The following CTHRC1 variants were observed in gnomAD, a reference collection of about 807,000 sequenced individuals.
CTHRC1 encodes collagen triple helix repeat-containing protein 1.
A neutral mutation model predicts 25.9 loss-of-function variants in CTHRC1; 21 were observed. That is an observed-to-expected ratio of 0.81 (90% CI 0.57 to 1.17). CTHRC1 has a LOEUF of 1.17. Ranked by LOEUF, CTHRC1 falls within the 50% of genes most tolerant of loss-of-function variation. The pLI is 0.00. For missense variants in CTHRC1, 281 were observed against 304.3 expected, an observed-to-expected ratio of 0.92 and a Z score of 0.57; for synonymous variants, 109 against 113.1, an observed-to-expected ratio of 0.96 and a Z score of 0.23.
intron 3 of CTHRC1, among the ~76,000 whole-genome samples, chr8:103,382,131 CCTTT>C (rs1398918243): frequency 6.6e-6 from 1 of 152,034 alleles, no homozygotes; most frequent in Non-Finnish European, 1.5e-5. Context: ...GTATATATAG[CCTTT>C]CTTTGTTTAT....
At chr8:103,372,493 T>C in intron 1 of CTHRC1, 1 of 1,596,788 alleles carries the variant, frequency 6.3e-7, no homozygotes, top group Non-Finnish European at 8.5e-7. Context: ...TAAGGACCTG[T>C]TTTGCTTCTG....
chr8:103,380,157 T>C (rs1586098902), intron 3 of CTHRC1, among the ~76,000 whole-genome samples: 2 of 152,242 alleles, frequency 1.3e-5, no homozygotes, highest in Non-Finnish European at 2.9e-5. Flanking sequence ...GGAAGTGATA[T>C]GTTCAGACAG....
At chr8:103,382,401 T>G (rs1815928999) in intron 3 of CTHRC1, 57 bp from the exon 4 acceptor site, 1 of 1,572,870 alleles carries the variant, frequency 6.4e-7, no homozygotes, top group Non-Finnish European at 8.7e-7. Flanking sequence ...AAAATTTAAC[T>G]AAAGGATTTT....
chr8:103,375,639 C>A, intron 1 of CTHRC1, 99 bp from the exon 2 acceptor site: 1 of 1,001,566 alleles, frequency 1.0e-6, no homozygotes, highest in Non-Finnish European at 1.6e-6. Context: ...TGAAGGGATT[C>A]TTGACTCCAA....
Position 103,378,078 on chromosome 8 carries a change from A to G in CTHRC1, c.424A>G (p.Ser142Gly). 1.2e-6 allele frequency: 2 copies of G among 1,614,208 alleles called. No individual in the cohort carries two copies. The highest frequency in any genetic ancestry group is 1.7e-6 in the Non-Finnish European group (2 of 1,180,022). Residue 142 changes from serine to glycine, a missense_variant, in exon 3 of 4, where the codon AGT becomes GGT. By Grantham distance (56) the Ser-to-Gly change is moderately conservative. Transcript: ENST00000330295. Reference sequence around the variant, plus strand: ...AAATAGTGCTCTAAGAGTTTTGTTCAGTGGCTCACTTCGGCTAAAATGCAG... The same window carrying G: ...AAATAGTGCTCTAAGAGTTTTGTTCGGTGGCTCACTTCGGCTAAAATGCAG... ...RSNSALRVLF[S>G]GSLRLKCRNA...
chr8:103,373,693 A>G lies in CTHRC1; in HGVS notation c.150+1887A>G, dbSNP rs78179740. Among the ~76,000 whole-genome samples the G allele has an allele frequency of 9.3e-3, 1,377 of 147,384 alleles. 23 individuals carry two copies. Among genetic ancestry groups the G allele is most frequent in the African/African-American group, 0.032 (1,267 of 39,566 alleles). ...GCGTGTTTAGCAGCATCGTTTGTAC[A>G]TACTAGATGCCAGTAGCAATCCCCT... On this transcript the variant is annotated intron_variant, in intron 1 of 3. Transcript: ENST00000330295.
intron 1 of CTHRC1, among the ~76,000 whole-genome samples, chr8:103,374,648 G>C (rs1815772624): frequency 6.6e-6 from 1 of 152,196 alleles, no homozygotes; most frequent in African/African-American, 2.4e-5. Flanking sequence ...CAGGGCAGTG[G>C]ACACACTTAC....
chr8:103,377,937 G>C, intron 2 of CTHRC1, 90 bp from the exon 3 acceptor site: 1 of 1,096,618 alleles, frequency 9.1e-7, no homozygotes, highest in East Asian at 2.4e-5. Flanking sequence ...TTGGGGAAAA[G>C]GATAGTTAAG....
Position 103,373,920 on chromosome 8 carries a change from A to G in CTHRC1, c.151-1818A>G, listed in dbSNP as rs533398077. On this transcript the variant is annotated intron_variant, in intron 1 of 3. Transcript: ENST00000330295. ...ATTCCCATTTGAAATGTATGTCTAAACATTGTATATATCTGCTTGTGAGAG... is the reference window on the plus strand; with the variant it reads ...ATTCCCATTTGAAATGTATGTCTAAGCATTGTATATATCTGCTTGTGAGAG... Among the ~76,000 whole-genome samples the G allele has an allele frequency of 2.6e-5, 4 of 152,190 alleles. No individual in the cohort carries two copies. In the South Asian group the frequency reaches 8.3e-4, roughly 32 times the overall value.
Position 103,371,546 on chromosome 8 carries a change from C to T in CTHRC1, c.-111C>T. The stretch of plus-strand genomic sequence containing the variant: ...GAGAGAGGCGCGCGGGTGAAAGGCG[C>T]ATTGATGCAGCCTGCGGCGGCCTCG... On this transcript the variant is annotated 5_prime_UTR_variant, in exon 1 of 4. Transcript: ENST00000330295. 2 of 1,181,532 alleles carry T rather than the reference C, an allele frequency of 1.7e-6. No homozygotes were observed. Among genetic ancestry groups the T allele is most frequent in the Non-Finnish European group, 2.3e-6 (2 of 852,094 alleles). The allele number at this position is 1,181,532 out of a possible 1,614,324, so 73.2% of individuals were successfully genotyped here.
chr8:103,377,559 T>G (rs1391413062), intron 2 of CTHRC1, among the ~76,000 whole-genome samples: 9 of 152,240 alleles, frequency 5.9e-5, no homozygotes, highest in Non-Finnish European at 1.5e-5. Flanking sequence ...CTTACCTAGC[T>G]TGCAGAAAAT....
chr8:103,375,206 G>A (rs753907559), intron 1 of CTHRC1, among the ~76,000 whole-genome samples: 4 of 152,022 alleles, frequency 2.6e-5, no homozygotes, highest in Non-Finnish European at 5.9e-5. Flanking sequence ...TGACTCTTAA[G>A]ATTTTATTTT....
At chr8:103,378,376 C>A in intron 3 of CTHRC1, 133 bp downstream of exon 3, 2 of 735,732 alleles carry the variant, frequency 2.7e-6, no homozygotes, top group Non-Finnish European at 4.8e-6. Context: ...GATTCTCCAC[C>A]CTGGGTTGTA....
At chr8:103,377,971 T>C in intron 2 of CTHRC1, 56 bp from the exon 3 acceptor site, 1 of 1,392,472 alleles carries the variant, frequency 7.2e-7, no homozygotes, top group Admixed American at 1.7e-5. Context: ...TCTCAAAAGC[T>C]CTTTTTAATT....
chr8:103,375,780 C>A lies in CTHRC1; in HGVS notation c.193C>A (p.Arg65=). Residue 65 remains arginine, a synonymous_variant, in exon 2 of 4, where the codon CGA becomes AGA. Transcript: ENST00000330295. The stretch of plus-strand genomic sequence containing the variant: ...ACAAGGGCCAGCAGGAGTGCCTGGT[C>A]GAGACGGGAGCCCTGGGGCCAATGG... ...CLQGPAGVPG[R]DGSPGANGIP... The A allele has an allele frequency of 6.2e-7, 1 of 1,613,924 alleles. No homozygotes were observed. Among genetic ancestry groups the A allele is most frequent in the Non-Finnish European group, 8.5e-7 (1 of 1,179,994 alleles).
In CTHRC1 at chr8:103,371,820, A is replaced by G; in HGVS notation, c.150+14A>G. 3 of 1,492,918 alleles carry G rather than the reference A, an allele frequency of 2.0e-6. No individual in the cohort carries two copies. The highest frequency in any genetic ancestry group is 1.3e-5 in the South Asian group (1 of 75,780). The allele number at this position is 1,492,918 out of a possible 1,614,324, so 92.5% of individuals were successfully genotyped here. ...GTGGTGGACCTGGTGAGTCCGAGGG[A>G]GCCGAGCCGGGACCGCCGCGCTGGT... On this transcript the variant is annotated intron_variant, in intron 1 of 3. Transcript: ENST00000330295.
At chr8:103,371,856 TGGCCGCGCG>T in intron 1 of CTHRC1, 50 bp downstream of exon 1, 1 of 1,453,762 alleles carries the variant, frequency 6.9e-7, no homozygotes, top group Non-Finnish European at 9.1e-7. Context: ...GGAGGGGACC[TGGCCGCGCG>T]CCCCACGGGC....
At chr8:103,371,868 C>T in intron 1 of CTHRC1, 62 bp downstream of exon 1, 1 of 1,430,188 alleles carries the variant, frequency 7.0e-7, no homozygotes, top group Non-Finnish European at 9.2e-7. Context: ...GCCGCGCGCC[C>T]CACGGGCAGG....
chr8:103,371,668 G>C lies in CTHRC1; in HGVS notation c.12G>C (p.Gln4His), dbSNP rs533547163. 5 of 1,533,458 alleles carry C rather than the reference G, an allele frequency of 3.3e-6. No individual in the cohort carries two copies. The highest frequency in any genetic ancestry group is 3.5e-6 in the Non-Finnish European group (4 of 1,141,254). The allele number at this position is 1,533,458 out of a possible 1,614,324, so 95.0% of individuals were successfully genotyped here. The change falls in exon 1 of 4, where the codon CAG becomes CAC. Residue 4 changes from glutamine to histidine, a missense_variant. Gln to His is a conservative substitution (Grantham distance 24, BLOSUM62 0). Coordinates refer to ENST00000330295, the MANE Select transcript of CTHRC1 (RefSeq NM_138455.4). ...GGCAGCCGGGAGCCATGCGACCCCA[G>C]GGCCCCGCCGCCTCCCCGCAGCGGC... MRPQGPAASPQRLR... is the reference protein window; with the variant it reads MRPHGPAASPQRLR...
Sources: gnomAD v4.1 joint callset for allele counts (sites outside exome capture counted in the v4.1 genomes callset) on GRCh38, gnomAD v4.1.1 for gene constraint, MANE v1.5 for transcripts, NCBI Gene and HGNC (gene_info 2026-07-23, HGNC 2026-07-21) for gene names.